The following PHF3 variants were observed in gnomAD, a reference collection of about 807,000 sequenced individuals.
PHF3 encodes PHD finger protein 3.
PHF3 carries 41 observed loss-of-function variants against 178.4 expected under a neutral mutation model. That is an observed-to-expected ratio of 0.23 (90% CI 0.18 to 0.30). The LOEUF (loss-of-function observed/expected upper bound fraction) is 0.30. Among genes scored for constraint, PHF3 ranks in the 10% least tolerant of loss-of-function variants. The pLI is 1.00. For missense variants in PHF3, 2,346 were observed against 2,398.1 expected (o/e 0.98, Z 0.45); for synonymous variants, 842 against 800.5 (o/e 1.05, Z -0.88).
At chr6:63,693,569 C>T (rs896342270) in intron 5 of PHF3, among the ~76,000 whole-genome samples, 10 of 152,122 alleles carry the variant, frequency 6.6e-5, no homozygotes, top group South Asian at 6.2e-4. Context: ...TGGGATTGTG[C>T]CACTTTATTC....
rs778107893 is a variant in PHF3 at position 63,685,517 on chromosome 6, A to G, written c.1795A>G (p.Lys599Glu). ...GCCCTTAACTCATTCTTTGAGTGAT[A>G]AGTCACACGCTCATCCTGGTTGCTT... is the stretch of plus-strand genomic sequence containing the variant. ...FKPLTHSLSD[K>E]SHAHPGCLKE... The change falls in exon 4 of 16, where the codon AAG (lysine) becomes GAG (glutamate). Residue 599 changes from lysine (K) to glutamate (E), a missense_variant. Coordinates refer to ENST00000262043, the MANE Select transcript of PHF3 (RefSeq NM_001370348.2). The G allele has an allele frequency of 1.2e-6, 2 of 1,614,092 alleles. No homozygotes were observed. Among genetic ancestry groups the G allele is most frequent in the South Asian group, 1.1e-5 (1 of 91,078 alleles).
At position 63,684,435 on chromosome 6, in the gene PHF3, A is replaced by G. The variant is rs1766582915; in HGVS notation, c.713A>G (p.His238Arg). The change falls in exon 4 of 16, where the codon CAT becomes CGT. Residue 238 changes from histidine (H) to arginine (R), a missense_variant. Coordinates refer to ENST00000262043, the MANE Select transcript of PHF3 (RefSeq NM_001370348.2). ...GATGAAGATGGATTAGATTCTAAGC[A>G]TAAGTGTAATAATCCGGGAGAAATA... is the stretch of plus-strand genomic sequence containing the variant. ...MKDEDGLDSK[H>R]KCNNPGEIDV... The G allele has an allele frequency of 3.1e-6, 5 of 1,614,058 alleles. No individual in the cohort carries two copies. The highest frequency in any genetic ancestry group is 1.1e-5 in the South Asian group (1 of 91,078).
intron 2 of PHF3, among the ~76,000 whole-genome samples, chr6:63,672,339 A>G (rs1009082954): frequency 5.9e-5 from 9 of 152,370 alleles, no homozygotes; most frequent in Middle Eastern, 3.4e-3. Context: ...AACAGAGTGT[A>G]TACTTTATGT....
At chr6:63,651,600 G>T (rs924586411) in intron 2 of PHF3, among the ~76,000 whole-genome samples, 4 of 152,134 alleles carry the variant, frequency 2.6e-5, no homozygotes, top group African/African-American at 7.2e-5. Context: ...GACCTCAAGT[G>T]ATCTGCCTGC....
At chr6:63,692,650 A>G (rs1351097460) in intron 5 of PHF3, among the ~76,000 whole-genome samples, 1 of 152,244 alleles carries the variant, frequency 6.6e-6, no homozygotes, top group African/African-American at 2.4e-5. Context: ...TTAGGCAAGT[A>G]TAATCCAAAA....
chr6:63,668,997 C>G (rs1427410188), intron 2 of PHF3, among the ~76,000 whole-genome samples: 8 of 152,262 alleles, frequency 5.3e-5, no homozygotes, highest in Non-Finnish European at 1.2e-4. Context: ...TGGAAATTAA[C>G]TGATCGGTTG....
chr6:63,712,224 G>C lies in PHF3; in HGVS notation c.4636G>C (p.Gly1546Arg). Residue 1546 changes from glycine (G) to arginine (R), a missense_variant, in exon 16 of 16, where the codon GGG becomes CGG. This residue lies in a region of PHF3 where 839 missense variants were observed against 806.9 expected (regional missense o/e 1.04). Coordinates refer to ENST00000262043, the MANE Select transcript of PHF3 (RefSeq NM_001370348.2). ...KSAEIETSVV[G>R]SSSISAGSLT... ...AGCAGAAATAGAAACATCAGTAGTA[G>C]GGTCCTCTTCCATTTCTGCAGGGTC... The C allele has an allele frequency of 6.2e-7, 1 of 1,614,012 alleles. No homozygotes were observed. Among genetic ancestry groups the C allele is most frequent in the Non-Finnish European group, 8.5e-7 (1 of 1,179,934 alleles).
At chr6:63,695,735 A>C (rs1403650917) in intron 6 of PHF3, among the ~76,000 whole-genome samples, 1 of 152,118 alleles carries the variant, frequency 6.6e-6, no homozygotes, top group Non-Finnish European at 1.5e-5. Context: ...AAATAGAATG[A>C]AGGTAGTGAG....
chr6:63,689,900 C>T (rs1033108800), intron 4 of PHF3, among the ~76,000 whole-genome samples: 3 of 152,100 alleles, frequency 2.0e-5, no homozygotes, highest in Non-Finnish European at 4.4e-5. Context: ...TCTTAATATA[C>T]CTTTGATTGT....
rs181504563 is a variant in PHF3 at position 63,665,031 on chromosome 6, A to C, written c.245-14969A>C. 2.0e-3 allele frequency among the ~76,000 whole-genome samples: 312 copies of C among 152,258 alleles called. 1 individual carries two copies. Among genetic ancestry groups the C allele is most frequent in the Non-Finnish European group, 3.4e-3 (233 of 67,994 alleles). ...AAATAATTATTACTATATGAGATCA[A>C]AATTCACTGAACTTTTTTATTTGGG... On this transcript the variant is annotated intron_variant, in intron 2 of 15. Coordinates refer to ENST00000262043, the MANE Select transcript of PHF3 (RefSeq NM_001370348.2).
At position 63,685,337 on chromosome 6, in the gene PHF3, C is replaced by A; in HGVS notation, c.1615C>A (p.Gln539Lys). The part of the protein sequence containing the change: ...KRNTDVPESQ[Q>K]NFHRPVKVRK... ...AAATACTGATGTACCAGAATCTCAG[C>A]AAAATTTTCATAGGCCAGTCAAAGT... Residue 539 changes from glutamine to lysine, a missense_variant, in exon 4 of 16, where the codon CAA becomes AAA. Around this residue, in one of 8 missense-constraint regions of PHF3, gnomAD observed 843 missense variants for 795.2 expected, o/e 1.06. Coordinates refer to ENST00000262043, the MANE Select transcript of PHF3 (RefSeq NM_001370348.2). The A allele has an allele frequency of 1.2e-6, 2 of 1,613,870 alleles. No individual in the cohort carries two copies. Among genetic ancestry groups the A allele is most frequent in the Non-Finnish European group, 1.7e-6 (2 of 1,179,956 alleles).
At position 63,721,282 on chromosome 6, in the gene PHF3, A is replaced by G. The variant is rs1421417844; in HGVS notation, c.*7574A>G. 1.3e-6 allele frequency: 2 copies of G among 1,551,872 alleles called. No individual in the cohort carries two copies. The highest frequency in any genetic ancestry group is 2.7e-5 in the African/African-American group (2 of 73,044). On this transcript the variant is annotated 3_prime_UTR_variant, in exon 16 of 16. Coordinates refer to ENST00000262043, the MANE Select transcript of PHF3 (RefSeq NM_001370348.2). ...GATTGGTGGAGGCAAAGATTATTCA[A>G]ACAGGACACAGACTGGTTACATGTA...
intron 4 of PHF3, among the ~76,000 whole-genome samples, chr6:63,687,105 T>C (rs1766744771): frequency 6.6e-6 from 1 of 152,172 alleles, no homozygotes; most frequent in African/African-American, 2.4e-5. Flanking sequence ...TGCTCTTAAT[T>C]ATATGGTTTT....
intron 2 of PHF3, among the ~76,000 whole-genome samples, chr6:63,658,946 C>A (rs1372665323): frequency 6.6e-6 from 1 of 152,004 alleles, no homozygotes; most frequent in Non-Finnish European, 1.5e-5. Flanking sequence ...ATTCAGGGGA[C>A]CTCCATTTTT....
intron 4 of PHF3, chr6:63,686,367 CATATT>C (rs929314933): frequency 1.3e-5 from 2 of 152,522 alleles, no homozygotes; most frequent in Non-Finnish European, 2.9e-5. Context: ...TAAAATGAAA[CATATT>C]AAAGAACACC....
intron 2 of PHF3, 149 bp downstream of exon 2, chr6:63,646,944 G>A (rs1174300808): frequency 3.6e-6 from 2 of 553,146 alleles, no homozygotes; most frequent in Non-Finnish European, 5.5e-6. Flanking sequence ...TGAATTTAGA[G>A]CTTCTTTTCC....
At chr6:63,650,253 A>G (rs753017321) in intron 2 of PHF3, among the ~76,000 whole-genome samples, 22 of 152,198 alleles carry the variant, frequency 1.4e-4, no homozygotes, top group Non-Finnish European at 2.6e-4. Context: ...CCTTCAGTGA[A>G]ACCAAGATGT....
chr6:63,703,566 C>G lies in PHF3; in HGVS notation c.3262C>G (p.Pro1088Ala), dbSNP rs201479607. Residue 1088 changes from proline (P) to alanine (A), a missense_variant, in exon 11 of 16, where the codon CCA (proline) becomes GCA (alanine). This residue lies in a region of PHF3 where 205 missense variants were observed against 212.4 expected (regional missense o/e 0.97). Coordinates refer to ENST00000262043, the MANE Select transcript of PHF3 (RefSeq NM_001370348.2). ...EPAANKSLEK[P>A]EGSEKQKEEV... Reference sequence around the variant, plus strand: ...AGCCGCCAATAAGTCATTGGAGAAGCCAGAAGGATCTGAAAAACAAAAAGA... The same window carrying G: ...AGCCGCCAATAAGTCATTGGAGAAGGCAGAAGGATCTGAAAAACAAAAAGA... The G allele has an allele frequency of 2.4e-5, 38 of 1,612,750 alleles. No homozygotes were observed. In the East Asian group the frequency reaches 8.0e-4, roughly 34 times the overall value.
chr6:63,678,700 CT>C (rs1766293457), intron 2 of PHF3: 2 of 316,554 alleles, frequency 6.3e-6, no homozygotes, highest in Non-Finnish European at 1.2e-5. Context: ...TCTTTCCTCT[CT>C]TTAAATTTAT....
Sources: allele counts gnomAD v4.1 joint callset (sites outside exome capture counted in the v4.1 genomes callset), GRCh38; gene constraint gnomAD v4.1.1; regional missense constraint gnomAD v4.1.1; transcripts MANE v1.5; gene names NCBI Gene and HGNC (gene_info 2026-07-23, HGNC 2026-07-21).